The following SRD5A3 variants were observed in gnomAD, a reference collection of about 807,000 sequenced individuals.
SRD5A3 encodes steroid 5 alpha-reductase 3.
In SRD5A3, 24 loss-of-function variants were observed where a neutral mutation model predicts 34.3. The ratio of observed to expected loss-of-function variants is 0.70; its 90% CI spans 0.51 to 0.99. SRD5A3 has a LOEUF of 0.99. Ranked by LOEUF, SRD5A3 falls within the 50% of genes least tolerant of loss-of-function variation. SRD5A3 has a pLI of 0.00. For synonymous variants in SRD5A3, 161 were observed against 167.3 expected, an observed-to-expected ratio of 0.96 and a Z score of 0.29; for missense variants, 350 against 388.2, an observed-to-expected ratio of 0.90 and a Z score of 0.83.
rs773946013 is a variant in SRD5A3, at chr4:55,359,428, G to A, written c.304G>A (p.Ala102Thr). 11 of 1,613,764 alleles carry A rather than the reference G, an allele frequency of 6.8e-6. No individual in the cohort carries two copies. The highest frequency in any genetic ancestry group is 9.3e-6 in the Non-Finnish European group (11 of 1,180,008). ...CCTTACTCAATCTCTGTTCCTGGGA[G>A]CACCTTTTCCAAGCTGGCTTCATGG... is the stretch of plus-strand genomic sequence containing the variant. ...WCLTQSLFLG[A>T]PFPSWLHGLL... Residue 102 changes from alanine to threonine, a missense_variant, in exon 2 of 5, where the codon GCA becomes ACA. Around this residue, in one of 3 missense-constraint regions of SRD5A3, gnomAD observed 159 missense variants for 149.1 expected, o/e 1.07. Transcript: ENST00000264228.
At chr4:55,354,763 G>A (rs947977740) in intron 1 of SRD5A3, among the ~76,000 whole-genome samples, 2 of 152,198 alleles carry the variant, frequency 1.3e-5, no homozygotes, top group African/African-American at 4.8e-5. Flanking sequence ...TTCTGCATTA[G>A]TTTTCTCAGT....
At position 55,370,431 on chromosome 4, in the gene SRD5A3, TCACACACA is replaced by T. The variant is rs3034886; in HGVS notation, c.*375_*382del. The T allele has an allele frequency of 1.4e-3, 308 of 225,904 alleles. 1 individual carries two copies. The highest frequency in any genetic ancestry group is 5.5e-3 in the African/African-American group (225 of 40,578). 14.0% of individuals were successfully genotyped at this position (225,904 alleles called of 1,614,324 possible). ...AAAAACCGAAAATATACAAACAGCTTCACACACACACACACACACACACACACACACAC... is the reference window on the plus strand; with the variant it reads ...AAAAACCGAAAATATACAAACAGCTTCACACACACACACACACACACACAC... On this transcript the variant is annotated 3_prime_UTR_variant, in exon 5 of 5. Transcript: ENST00000264228.
chr4:55,352,427 T>C, intron 1 of SRD5A3: 3 of 744,720 alleles, frequency 4.0e-6, no homozygotes, highest in Non-Finnish European at 7.5e-6. Context: ...CACACTCCTG[T>C]GCTTGTATAA....
intron 1 of SRD5A3, among the ~76,000 whole-genome samples, chr4:55,347,169 C>G (rs556549798): frequency 2.6e-5 from 4 of 152,322 alleles, no homozygotes; most frequent in African/African-American, 4.8e-5. Flanking sequence ...ATTTGACTTT[C>G]GAAAAATTCT....
intron 1 of SRD5A3, among the ~76,000 whole-genome samples, chr4:55,356,000 ATTTTTTTTTTTTT>A (rs10648522): frequency 1.3e-5 from 1 of 74,264 alleles, no homozygotes; most frequent in Admixed American, 2.2e-4. Flanking sequence ...TTTTGCCTCC[ATTTTTTTTTTTTT>A]TTTTTTTTTT....
intron 4 of SRD5A3, chr4:55,369,583 G>T (rs1578213511): frequency 3.9e-6 from 2 of 514,650 alleles, no homozygotes; most frequent in East Asian, 7.0e-5. Context: ...TTCAAAAAAT[G>T]AGCCAGGCAT....
intron 1 of SRD5A3, among the ~76,000 whole-genome samples, chr4:55,353,654 C>T (rs1288361592): frequency 6.6e-6 from 1 of 152,170 alleles, no homozygotes; most frequent in Non-Finnish European, 1.5e-5. Context: ...CGAAGGTCTG[C>T]GGCTTCACTC....
chr4:55,359,372 C>T lies in SRD5A3; in HGVS notation c.248C>T (p.Ser83Leu), dbSNP rs746982369. 1 of 1,614,116 alleles carries T rather than the reference C, an allele frequency of 6.2e-7. No individual in the cohort carries two copies. The highest frequency in any genetic ancestry group is 1.1e-5 in the South Asian group (1 of 91,086). The change falls in exon 2 of 5, where the codon TCA becomes TTA. Residue 83 changes from serine (S) to leucine (L), a missense_variant. Coordinates refer to ENST00000264228, the MANE Select transcript of SRD5A3 (RefSeq NM_024592.5). ...KRYFSHFYII[S>L]VLWNGFLLWC... is the part of the protein sequence containing the mutation. Reference sequence around the variant, plus strand: ...TATTTTTCCCACTTTTATATCATCTCAGTGCTGTGGAATGGCTTCCTGCTT... The same window carrying T: ...TATTTTTCCCACTTTTATATCATCTTAGTGCTGTGGAATGGCTTCCTGCTT...
chr4:55,352,252 T>C, intron 1 of SRD5A3: 1 of 916,526 alleles, frequency 1.1e-6, no homozygotes, highest in Non-Finnish European at 1.8e-6. Flanking sequence ...AATAAGCAGG[T>C]AGGGTGTTGG....
Position 55,370,952 on chromosome 4 carries a change from G to C in SRD5A3, c.*861G>C, listed in dbSNP as rs1002580810. ...GGAAAAAACGAGTTTGTTGGAGTTA[G>C]TTTATACTTTCACATATCACCACAA... is the stretch of plus-strand genomic sequence containing the variant. On this transcript the variant is annotated 3_prime_UTR_variant, in exon 5 of 5. Transcript: ENST00000264228. The C allele has an allele frequency of 6.6e-6, 1 of 152,136 alleles. No individual in the cohort carries two copies. Among genetic ancestry groups the C allele is most frequent in the Admixed American group, 6.5e-5 (1 of 15,270 alleles). 9.4% of individuals were successfully genotyped at this position (152,136 alleles called of 1,614,324 possible).
intron 2 of SRD5A3, among the ~76,000 whole-genome samples, chr4:55,363,311 T>C (rs1560371446): frequency 6.6e-6 from 1 of 152,066 alleles, no homozygotes; most frequent in Non-Finnish European, 1.5e-5. Context: ...GGCACATGAC[T>C]ATAGTTCTAG....
chr4:55,350,763 T>A, intron 1 of SRD5A3, among the ~76,000 whole-genome samples: 1 of 5,430 alleles, frequency 1.8e-4, no homozygotes, highest in African/African-American at 2.2e-4. Flanking sequence ...TCATTAAATT[T>A]TTTTTTTTTT....
intron 2 of SRD5A3, among the ~76,000 whole-genome samples, chr4:55,359,942 G>C (rs542320168): frequency 1.3e-5 from 2 of 152,334 alleles, no homozygotes; most frequent in Non-Finnish European, 2.9e-5. Context: ...GTCGGGTGCG[G>C]TGGCTCACGC....
intron 1 of SRD5A3, among the ~76,000 whole-genome samples, chr4:55,349,828 G>T (rs1370189550): frequency 1.3e-5 from 2 of 152,128 alleles, no homozygotes; most frequent in African/African-American, 4.8e-5. Flanking sequence ...ATAGAATTCA[G>T]GGCAAACTTG....
intron 1 of SRD5A3, among the ~76,000 whole-genome samples, chr4:55,355,459 A>G (rs1719420775): frequency 6.7e-6 from 1 of 149,398 alleles, no homozygotes; most frequent in Admixed American, 6.7e-5. Context: ...CTCCGTCTGA[A>G]AAAAAAAAAA....
chr4:55,354,031 A>ATTC, intron 1 of SRD5A3, among the ~76,000 whole-genome samples: 1 of 152,326 alleles, frequency 6.6e-6, no homozygotes, highest in Middle Eastern at 3.4e-3. Flanking sequence ...CTCAGTAAAC[A>ATTC]TTAATTCCCC....
At chr4:55,351,058 G>A (rs1167382352) in intron 1 of SRD5A3, among the ~76,000 whole-genome samples, 1 of 150,560 alleles carries the variant, frequency 6.6e-6, no homozygotes, top group Non-Finnish European at 1.5e-5. Flanking sequence ...GAGTCACCAT[G>A]TGCCTGGCCT....
chr4:55,362,070 T>C (rs1448035307), intron 2 of SRD5A3, among the ~76,000 whole-genome samples: 1 of 151,998 alleles, frequency 6.6e-6, no homozygotes, highest in African/African-American at 2.4e-5. Flanking sequence ...TTGTTCCCCA[T>C]GGGAAGTTTG....
chr4:55,356,414 T>A (rs1484425980), intron 1 of SRD5A3, among the ~76,000 whole-genome samples: 1 of 152,226 alleles, frequency 6.6e-6, no homozygotes, highest in Non-Finnish European at 1.5e-5. Context: ...AATACATTCA[T>A]CTTGTTATCC....
Sources: gnomAD v4.1 joint callset for allele counts (sites outside exome capture counted in the v4.1 genomes callset) on GRCh38, gnomAD v4.1.1 for gene constraint, gnomAD v4.1.1 regional missense constraint, MANE v1.5 for transcripts, NCBI Gene and HGNC (gene_info 2026-07-23, HGNC 2026-07-21) for gene names.